HIVEP3: variants seen among roughly 807,000 people sequenced by gnomAD.
HIVEP3 encodes transcription factor HIVEP3.
HIVEP3 carries 49 observed loss-of-function variants against 152.8 expected under a neutral mutation model. That is an observed-to-expected ratio of 0.32 (90% CI 0.26 to 0.41). The LOEUF (loss-of-function observed/expected upper bound fraction) is 0.41, where lower values mean the gene tolerates loss of function less well. HIVEP3 is among the 10% of genes least tolerant of loss of function. The pLI, the probability that HIVEP3 is intolerant of heterozygous loss-of-function variation, is 1.00. For missense variants in HIVEP3, 2,790 were observed against 3,103.3 expected (o/e 0.90, Z 2.40); for synonymous variants, 1,269 against 1,289.0 (o/e 0.98, Z 0.33).
chr1:41,715,388 T>A (rs1646575953), intron 1 of HIVEP3, among the ~76,000 whole-genome samples: 3 of 152,086 alleles, frequency 2.0e-5, no homozygotes, highest in Non-Finnish European at 4.4e-5. Context: ...AGCCTGAGTC[T>A]TCAGCCTGGG....
At chr1:41,713,940 C>T (rs566577240) in intron 1 of HIVEP3, among the ~76,000 whole-genome samples, 23 of 152,226 alleles carry the variant, frequency 1.5e-4, no homozygotes, top group Non-Finnish European at 2.8e-4. Flanking sequence ...GGTCAGTGGG[C>T]CACAGGCTGT....
At chr1:41,884,732 CT>C (rs1259965945) in intron 1 of HIVEP3, among the ~76,000 whole-genome samples, 1 of 152,202 alleles carries the variant, frequency 6.6e-6, no homozygotes. Flanking sequence ...ACAGTGGCTC[CT>C]TGCCAACCTC....
intron 2 of HIVEP3, among the ~76,000 whole-genome samples, chr1:41,673,354 G>A (rs146184837): frequency 2.8e-3 from 430 of 152,348 alleles, no homozygotes; most frequent in African/African-American, 1.0e-2. Context: ...AAGATGTTGA[G>A]TAGCTCAGGA....
chr1:41,866,539 A>T (rs530176297), intron 1 of HIVEP3, among the ~76,000 whole-genome samples: 4 of 65,054 alleles, frequency 6.1e-5, no homozygotes, highest in African/African-American at 3.7e-4. Flanking sequence ...GACTCACTGG[A>T]TCTGGACCCA....
rs1452378530 is a variant in HIVEP3, at chr1:41,510,669, G to A, written c.7003C>T (p.Pro2335Ser). The change falls in exon 9 of 9, where the codon CCG (proline) becomes TCG (serine). Residue 2335 changes from proline to serine, a missense_variant. By Grantham distance (74) the Pro-to-Ser change is moderately conservative (BLOSUM62 -1). Coordinates refer to ENST00000372583, the MANE Select transcript of HIVEP3 (RefSeq NM_024503.5). ...GGCTCGGGGTTGGTCGGTGCACGCG[G>A]GGACTCCAAGCGGGGGCTCCAGGAC... ...AQSWSPRLES[P>S]RAPTNPEPSA... is the part of the protein sequence containing the mutation. 1.3e-6 allele frequency: 2 copies of A among 1,526,092 alleles called. No homozygotes were observed. Among genetic ancestry groups the A allele is most frequent in the East Asian group, 4.9e-5 (2 of 40,854 alleles). 94.5% of individuals were successfully genotyped at this position (1,526,092 alleles called of 1,614,324 possible). A position where few individuals can be genotyped will look rare whatever the true frequency, so the allele number is the denominator to read the frequency against.
chr1:41,512,578 T>C (rs1642459776), intron 8 of HIVEP3, among the ~76,000 whole-genome samples: 1 of 152,222 alleles, frequency 6.6e-6, no homozygotes, highest in Non-Finnish European at 1.5e-5. Flanking sequence ...TCCCATGAAC[T>C]CCAGAGTCCA....
At chr1:41,575,335 C>T (rs1272277248) in intron 5 of HIVEP3, among the ~76,000 whole-genome samples, 1 of 152,142 alleles carries the variant, frequency 6.6e-6, no homozygotes, top group African/African-American at 2.4e-5. Context: ...CCCAGCATCA[C>T]CCATCCCCAC....
At chr1:41,786,201 G>A (rs1254332768) in intron 1 of HIVEP3, among the ~76,000 whole-genome samples, 1 of 152,136 alleles carries the variant, frequency 6.6e-6, no homozygotes, top group Non-Finnish European at 1.5e-5. Context: ...CTAAAAAATG[G>A]GAACATTAAT....
intron 7 of HIVEP3, among the ~76,000 whole-genome samples, chr1:41,515,604 A>G (rs1642579358): frequency 6.6e-6 from 1 of 152,220 alleles, no homozygotes; most frequent in South Asian, 2.1e-4. Context: ...CTGGTGGCTG[A>G]GTCAGAACTA....
chr1:41,656,276 A>AT (rs1462603832), intron 2 of HIVEP3, among the ~76,000 whole-genome samples: 1 of 152,172 alleles, frequency 6.6e-6, no homozygotes, highest in African/African-American at 2.4e-5. Flanking sequence ...TTGCACATCA[A>AT]AGGCCCATGG....
At position 41,614,485 on chromosome 1, in the gene HIVEP3, C is replaced by T. The variant is rs375262079; in HGVS notation, c.-522+14264G>A. ...TCCTTTCTGCAGGGCTTCAGTTCCT[C>T]GTAGGAAGTCCCAACAGGCTGAGCA... On this transcript the variant is annotated intron_variant, in intron 3 of 8. Transcript: ENST00000372583. Among the ~76,000 whole-genome samples, 387 of 152,290 alleles carry T rather than the reference C, an allele frequency of 2.5e-3. 7 individuals are homozygous for T. The South Asian group carries it at 0.041, about 16-fold the overall frequency.
intron 2 of HIVEP3, among the ~76,000 whole-genome samples, chr1:41,644,297 G>A (rs949761724): frequency 2.0e-5 from 3 of 152,098 alleles, no homozygotes; most frequent in African/African-American, 4.8e-5. Context: ...GGGACAGTAC[G>A]TGTGGTGAGG....
chr1:41,708,494 C>A (rs971678908), intron 1 of HIVEP3, among the ~76,000 whole-genome samples: 2 of 152,180 alleles, frequency 1.3e-5, no homozygotes, highest in African/African-American at 4.8e-5. Flanking sequence ...CTTTGCCAGG[C>A]CCTGACTCTG....
intron 1 of HIVEP3, among the ~76,000 whole-genome samples, chr1:41,809,622 C>T (rs543657652): frequency 2.1e-4 from 32 of 152,208 alleles, no homozygotes; most frequent in Non-Finnish European, 3.7e-4. Context: ...AAGCTAAAGT[C>T]AAATCACATT....
intron 1 of HIVEP3, among the ~76,000 whole-genome samples, chr1:41,946,983 C>T (rs1034681704): frequency 6.6e-6 from 1 of 152,174 alleles, no homozygotes; most frequent in African/African-American, 2.4e-5. Context: ...GTACCTAACC[C>T]TTATACTGTG....
At position 41,993,317 on chromosome 1, in the gene HIVEP3, A is replaced by G. The variant is rs1198556867; in HGVS notation, n.119+42490T>C. Among the ~76,000 whole-genome samples, 24 of 151,178 alleles carry G rather than the reference A, an allele frequency of 1.6e-4. No individual in the cohort carries two copies. In the East Asian group the frequency reaches 3.3e-3, roughly 21 times the overall value. ...CAAATTTACAAGAAAAAAACAAACA[A>G]CCCCATCAAAAAGTGGGCAAAGGAC... On this transcript the variant is annotated intron_variant and non_coding_transcript_variant, in intron 1 of 3. Coordinates refer to the HIVEP3 transcript ENST00000489103.
At chr1:41,672,001 G>C (rs938880602) in intron 2 of HIVEP3, among the ~76,000 whole-genome samples, 2 of 152,224 alleles carry the variant, frequency 1.3e-5, no homozygotes, top group Non-Finnish European at 2.9e-5. Context: ...GGGTGCAGTT[G>C]AGTTGGGCCA....
In HIVEP3 at chr1:41,873,363, C is replaced by T. The variant is rs1315838599; in HGVS notation, c.-801+45050G>A. On this transcript the variant is annotated intron_variant, in intron 1 of 8. Transcript: ENST00000372583. The surrounding 1 kb of genome is among the most constrained non-coding windows in gnomAD (Gnocchi z 4.2). ...ACATGCACTCAGCTGGCCCAGGCAC[C>T]GATAACCTAGCATGTCCTTTTAGAA... 6.6e-6 allele frequency among the ~76,000 whole-genome samples: 1 copy of T among 152,190 alleles called. No individual in the cohort carries two copies. Among genetic ancestry groups the T allele is most frequent in the Non-Finnish European group, 1.5e-5 (1 of 68,044 alleles).
At chr1:41,913,625 G>A (rs1570798144) in intron 1 of HIVEP3, among the ~76,000 whole-genome samples, 3 of 151,956 alleles carry the variant, frequency 2.0e-5, no homozygotes, top group Admixed American at 2.0e-4. Context: ...TCAAACTCCT[G>A]GGCTCAAGTG....
Sources: gnomAD v4.1 joint callset for allele counts (sites outside exome capture counted in the v4.1 genomes callset) on GRCh38, gnomAD v4.1.1 for gene constraint, Gnocchi (gnomAD v3.1) non-coding constraint, MANE v1.5 for transcripts, NCBI Gene and HGNC (gene_info 2026-07-23, HGNC 2026-07-21) for gene names.